The following SIN3A variants were observed in gnomAD, a reference collection of about 807,000 sequenced individuals.
SIN3A encodes SIN3 transcription regulator family member A, also known as paired amphipathic helix protein Sin3a.
In SIN3A, 14 loss-of-function variants were observed where a neutral mutation model predicts 146.1. That is an observed-to-expected ratio of 0.10 (90% CI 0.06 to 0.15). The LOEUF is 0.15. Ranked by LOEUF, SIN3A falls within the 10% of genes least tolerant of loss-of-function variation. SIN3A has a pLI of 1.00. For missense variants in SIN3A, 1,028 were observed against 1,576.0 expected, an observed-to-expected ratio of 0.65 and a Z score of 5.89; for synonymous variants, 572 against 572.0, an observed-to-expected ratio of 1.00 and a Z score of 0.00.
At chr15:75,441,853 G>A (rs964956031) in intron 1 of SIN3A, among the ~76,000 whole-genome samples, 24 of 152,010 alleles carry the variant, frequency 1.6e-4, no homozygotes, top group African/African-American at 5.8e-4. Context: ...TGAGCGTGTG[G>A]CTCTTGCCTC....
chr15:75,375,600 TG>T, intron 20 of SIN3A, 64 bp downstream of exon 20: 1 of 1,285,248 alleles, frequency 7.8e-7, no homozygotes, highest in Non-Finnish European at 1.1e-6. Flanking sequence ...CAGAAGACTC[TG>T]GGCCTCCCCT....
intron 2 of SIN3A, 44 bp from the exon 3 acceptor site, chr15:75,422,867 A>G (rs1162886731): frequency 6.4e-7 from 1 of 1,567,594 alleles, no homozygotes; most frequent in East Asian, 2.3e-5. Flanking sequence ...AGGCTTGTAC[A>G]TTCTTCCCCA....
chr15:75,447,081 C>A (rs550852316), intron 1 of SIN3A, among the ~76,000 whole-genome samples: 1 of 152,280 alleles, frequency 6.6e-6, no homozygotes, highest in East Asian at 1.9e-4. Context: ...ACAGACATAT[C>A]TAAATAAGGA....
At chr15:75,401,352 A>G (rs1020393431) in intron 10 of SIN3A, among the ~76,000 whole-genome samples, 1 of 151,996 alleles carries the variant, frequency 6.6e-6, no homozygotes, top group African/African-American at 2.4e-5. Flanking sequence ...ACATGGTAAA[A>G]CACCGTCTCT....
Position 75,384,282 on chromosome 15 carries a change from T to G in SIN3A, c.3177A>C (p.Ser1059=). ...TYQRKAEQLM[S]DENCFKLMFI... is the part of the protein sequence containing the mutation. ...CTCTCACCTTAAAGCAATTCTCATC[T>G]GACATTAGCTGCTCAGCTTTCCGCT... The change falls in exon 17 of 21, where the codon TCA becomes TCC. Residue 1059 remains serine, a synonymous_variant. Coordinates refer to ENST00000394947, the MANE Select transcript of SIN3A (RefSeq NM_001145358.2). The G allele has an allele frequency of 6.2e-7, 1 of 1,612,024 alleles. No homozygotes were observed. The highest frequency in any genetic ancestry group is 8.5e-7 in the Non-Finnish European group (1 of 1,178,888).
chr15:75,414,164 A>T, intron 4 of SIN3A, 41 bp downstream of exon 4: 1 of 1,027,422 alleles, frequency 9.7e-7, no homozygotes, highest in Non-Finnish European at 1.4e-6. Flanking sequence ...CAAAATCAAT[A>T]TGCCAGATAC....
intron 1 of SIN3A, among the ~76,000 whole-genome samples, chr15:75,445,546 G>C (rs1010016294): frequency 6.6e-6 from 1 of 151,382 alleles, no homozygotes; most frequent in African/African-American, 2.4e-5. Context: ...ACTCCAGCCT[G>C]GGAGACAGAG....
chr15:75,420,027 C>T (rs2141530677), intron 3 of SIN3A: 1 of 152,050 alleles, frequency 6.6e-6, no homozygotes, highest in South Asian at 2.1e-4. Flanking sequence ...AAAAAAAAAA[C>T]TTGGATGTAG....
At chr15:75,450,420 C>G (rs550991194) in intron 1 of SIN3A, among the ~76,000 whole-genome samples, 2 of 152,118 alleles carry the variant, frequency 1.3e-5, no homozygotes, top group East Asian at 1.9e-4. Flanking sequence ...ATCAAGGGAA[C>G]CCCAGGGAAG....
At chr15:75,385,044 G>A (rs571270885) in intron 16 of SIN3A, among the ~76,000 whole-genome samples, 2 of 152,226 alleles carry the variant, frequency 1.3e-5, no homozygotes, top group African/African-American at 4.8e-5. Context: ...GTGGTGGCAG[G>A]AGCCTGTAAT....
chr15:75,424,632 G>A (rs2073894729), intron 2 of SIN3A, among the ~76,000 whole-genome samples: 1 of 152,016 alleles, frequency 6.6e-6, no homozygotes, highest in Non-Finnish European at 1.5e-5. Context: ...GTACCACCAT[G>A]CCTGGTTAAT....
At chr15:75,444,058 T>C (rs1036840276) in intron 1 of SIN3A, among the ~76,000 whole-genome samples, 7 of 152,204 alleles carry the variant, frequency 4.6e-5, no homozygotes, top group South Asian at 2.1e-4. Context: ...CCTAGGATGA[T>C]GAAATACCAA....
chr15:75,374,894 A>G (rs912162257), intron 20 of SIN3A, among the ~76,000 whole-genome samples: 1 of 152,204 alleles, frequency 6.6e-6, no homozygotes. Flanking sequence ...AGTGCATATC[A>G]TCGCATTACT....
At chr15:75,399,983 T>TA in intron 12 of SIN3A, 57 bp downstream of exon 12, 1 of 926,696 alleles carries the variant, frequency 1.1e-6, no homozygotes, top group Non-Finnish European at 1.8e-6. Flanking sequence ...CAGGTACTGA[T>TA]AGTCTCACTG....
intron 4 of SIN3A, 31 bp from the exon 5 acceptor site, chr15:75,413,076 C>T (rs555516180): frequency 5.5e-5 from 87 of 1,571,230 alleles, no homozygotes; most frequent in South Asian, 5.5e-4. Context: ...AAGTGATAAA[C>T]TGTAAGCTTA....
chr15:75,383,948 T>G (rs909525323), intron 17 of SIN3A: 1 of 165,040 alleles, frequency 6.1e-6, no homozygotes. Context: ...ATCATGACCA[T>G]GGATTTCATG....
intron 9 of SIN3A, among the ~76,000 whole-genome samples, chr15:75,403,921 C>A (rs1044685207): frequency 6.6e-6 from 1 of 152,212 alleles, no homozygotes; most frequent in Non-Finnish European, 1.5e-5. Flanking sequence ...TGGAATAACG[C>A]TCTCTTAAGA....
chr15:75,374,412 G>T (rs1022217087), intron 20 of SIN3A, among the ~76,000 whole-genome samples: 1 of 152,220 alleles, frequency 6.6e-6, no homozygotes, highest in African/African-American at 2.4e-5. Flanking sequence ...AGTCTACAAT[G>T]TAATTCTTGC....
chr15:75,449,415 T>C (rs2074361666), intron 1 of SIN3A, among the ~76,000 whole-genome samples: 1 of 152,220 alleles, frequency 6.6e-6, no homozygotes, highest in Non-Finnish European at 1.5e-5. Context: ...AAATAAACAT[T>C]GGTTCCATGT....
Sources: gnomAD v4.1 joint callset for allele counts (sites outside exome capture counted in the v4.1 genomes callset) on GRCh38, gnomAD v4.1.1 for gene constraint, MANE v1.5 for transcripts, NCBI Gene and HGNC (gene_info 2026-07-23, HGNC 2026-07-21) for gene names.